DIRAS2: variants seen among roughly 807,000 people sequenced by gnomAD.
DIRAS2 encodes the protein DIRAS family GTPase 2, also known as GTP-binding protein Di-Ras2.
Under a neutral mutation model 13.9 loss-of-function variants are expected in DIRAS2, and 5 were observed. The ratio of observed to expected loss-of-function variants is 0.36; its 90% CI spans 0.19 to 0.76. The LOEUF is 0.76. DIRAS2 is among the 30% of genes least tolerant of loss of function. The pLI is 0.53. For missense variants in DIRAS2, 191 were observed against 263.0 expected (o/e 0.73, Z 1.89); for synonymous variants, 111 against 105.4 (o/e 1.05, Z -0.33).
intron 1 of DIRAS2, among the ~76,000 whole-genome samples, chr9:90,641,935 A>G (rs1825422247): frequency 6.6e-6 from 1 of 152,250 alleles, no homozygotes; most frequent in South Asian, 2.1e-4. Flanking sequence ...GAAGAAACTG[A>G]ATTCCACCAC....
chr9:90,637,460 G>T (rs898613105), intron 1 of DIRAS2, among the ~76,000 whole-genome samples: 1 of 152,198 alleles, frequency 6.6e-6, no homozygotes, highest in South Asian at 2.1e-4. Flanking sequence ...ATTGGGTAGA[G>T]ATGGCCTGTT....
At chr9:90,637,262 T>C (rs559055512) in intron 1 of DIRAS2, among the ~76,000 whole-genome samples, 12 of 152,338 alleles carry the variant, frequency 7.9e-5, no homozygotes, top group Admixed American at 2.0e-4. Flanking sequence ...TAGAGCCAGA[T>C]TGTGTTTTTT....
At chr9:90,641,417 T>C (rs1312027483) in intron 1 of DIRAS2, among the ~76,000 whole-genome samples, 1 of 152,178 alleles carries the variant, frequency 6.6e-6, no homozygotes, top group East Asian at 1.9e-4. Flanking sequence ...CCCGGGACTA[T>C]TACCAAATTA....
intron 1 of DIRAS2, among the ~76,000 whole-genome samples, chr9:90,614,506 C>A (rs1467939873): frequency 6.6e-6 from 1 of 152,040 alleles, no homozygotes; most frequent in Non-Finnish European, 1.5e-5. Context: ...AGGAAGAGAT[C>A]GGGAATGGAA....
chr9:90,629,301 A>G (rs573308334), intron 1 of DIRAS2, among the ~76,000 whole-genome samples: 113 of 152,356 alleles, frequency 7.4e-4, no homozygotes, highest in South Asian at 2.5e-3. Context: ...ACAGTTTAAT[A>G]ACACATAATG....
intron 1 of DIRAS2, among the ~76,000 whole-genome samples, chr9:90,640,045 G>A (rs977521439): frequency 2.0e-5 from 3 of 152,152 alleles, no homozygotes; most frequent in African/African-American, 4.8e-5. Context: ...TCGTCAGCAG[G>A]CATTTAAAAA....
chr9:90,638,237 T>A (rs1825387762), intron 1 of DIRAS2, among the ~76,000 whole-genome samples: 1 of 152,168 alleles, frequency 6.6e-6, no homozygotes, highest in African/African-American at 2.4e-5. Flanking sequence ...GAATTTAAAC[T>A]AGCATTTAAA....
chr9:90,637,883 G>A (rs7863007), intron 1 of DIRAS2, among the ~76,000 whole-genome samples: 110,091 of 152,130 alleles, frequency 0.72, 41,142 homozygotes, highest in African/African-American at 0.93. Flanking sequence ...GAAGTCAGCA[G>A]TCTCAGGCTT....
chr9:90,624,864 G>A (rs946502395), intron 1 of DIRAS2, among the ~76,000 whole-genome samples: 86 of 152,144 alleles, frequency 5.7e-4, no homozygotes, highest in Non-Finnish European at 3.4e-4. Flanking sequence ...ACAGGCGGGC[G>A]CCACCACCTG....
At position 90,631,006 on chromosome 9, in the gene DIRAS2, T is replaced by C. The variant is rs185081782; in HGVS notation, c.-37+11746A>G. Among the ~76,000 whole-genome samples the C allele has an allele frequency of 8.5e-5, 13 of 152,340 alleles. No individual in the cohort carries two copies. The East Asian group carries it at 2.3e-3, about 27-fold the overall frequency. Reference sequence around the variant, plus strand: ...ATTTAAAAACTAATTTTAAAGGCTGTCCAAATGCAGGATTTCCTTGAGTGT... The same window carrying C: ...ATTTAAAAACTAATTTTAAAGGCTGCCCAAATGCAGGATTTCCTTGAGTGT... On this transcript the variant is annotated intron_variant, in intron 1 of 1. Coordinates refer to ENST00000375765, the MANE Select transcript of DIRAS2 (RefSeq NM_017594.5).
chr9:90,624,134 G>A (rs1214857483), intron 1 of DIRAS2, among the ~76,000 whole-genome samples: 1 of 152,130 alleles, frequency 6.6e-6, no homozygotes, highest in South Asian at 2.1e-4. Flanking sequence ...TTGGTACATG[G>A]GAGCCCTTTA....
rs1337322796 is a variant in DIRAS2, at chr9:90,613,890, G to T, written c.-36-27C>A. On this transcript the variant is annotated intron_variant, in intron 1 of 1. Coordinates refer to ENST00000375765, the MANE Select transcript of DIRAS2 (RefSeq NM_017594.5). This position sits in a 1 kb window ranked among gnomAD's most constrained non-coding sequence, Gnocchi z 5.6. ...TAGCAAAGGAACCAGATGTTTGAAAGAATTAATAATTAAAATATAAAAACA... is the reference window on the plus strand; with the variant it reads ...TAGCAAAGGAACCAGATGTTTGAAATAATTAATAATTAAAATATAAAAACA... The T allele has an allele frequency of 6.6e-7, 1 of 1,523,070 alleles. No homozygotes were observed. The highest frequency in any genetic ancestry group is 1.4e-5 in the African/African-American group (1 of 71,900). The allele number at this position is 1,523,070 out of a possible 1,614,324, so 94.3% of individuals were successfully genotyped here.
intron 1 of DIRAS2, among the ~76,000 whole-genome samples, chr9:90,626,648 G>T (rs1825272479): frequency 6.6e-6 from 1 of 152,194 alleles, no homozygotes; most frequent in South Asian, 2.1e-4. Flanking sequence ...AGCAAAGATA[G>T]AGAGAAACTG....
At chr9:90,635,299 C>T (rs1825360359) in intron 1 of DIRAS2, among the ~76,000 whole-genome samples, 1 of 152,192 alleles carries the variant, frequency 6.6e-6, no homozygotes, top group Admixed American at 6.5e-5. Flanking sequence ...GTAATCATAG[C>T]TAATCTGGGA....
intron 1 of DIRAS2, among the ~76,000 whole-genome samples, chr9:90,616,588 G>A (rs1825171454): frequency 6.6e-6 from 1 of 151,942 alleles, no homozygotes; most frequent in African/African-American, 2.4e-5. Context: ...TATGAGATAG[G>A]CCTGGGCCAA....
chr9:90,617,603 C>T (rs899827508), intron 1 of DIRAS2, among the ~76,000 whole-genome samples: 1 of 152,164 alleles, frequency 6.6e-6, no homozygotes, highest in Non-Finnish European at 1.5e-5. Context: ...GAACAGCTCT[C>T]AGCACATAGT....
At chr9:90,638,336 A>T (rs1273427118) in intron 1 of DIRAS2, among the ~76,000 whole-genome samples, 1 of 152,238 alleles carries the variant, frequency 6.6e-6, no homozygotes, top group Non-Finnish European at 1.5e-5. Flanking sequence ...TTTTCATGAT[A>T]TTCAGAGAAA....
intron 1 of DIRAS2, among the ~76,000 whole-genome samples, chr9:90,615,025 A>T (rs1825156293): frequency 6.6e-6 from 1 of 152,170 alleles, no homozygotes; most frequent in South Asian, 2.1e-4. Context: ...GATAAGTAAC[A>T]TGGTAATGTG....
intron 1 of DIRAS2, among the ~76,000 whole-genome samples, chr9:90,630,197 T>C (rs552294725): frequency 4.4e-4 from 67 of 152,322 alleles, no homozygotes; most frequent in African/African-American, 1.6e-3. Context: ...CAATGTCAGG[T>C]ACATCAGAAA....
Sources: allele counts gnomAD v4.1 joint callset (sites outside exome capture counted in the v4.1 genomes callset), GRCh38; gene constraint gnomAD v4.1.1; non-coding constraint Gnocchi (gnomAD v3.1); transcripts MANE v1.5; gene names NCBI Gene and HGNC (gene_info 2026-07-23, HGNC 2026-07-21).